Variants in PTPRM observed in about 807,000 individuals in gnomAD.
PTPRM encodes receptor-type tyrosine-protein phosphatase mu.
A neutral mutation model predicts 186.7 loss-of-function variants in PTPRM; 47 were observed. That is an observed-to-expected ratio of 0.25 (90% CI 0.20 to 0.32). The LOEUF (loss-of-function observed/expected upper bound fraction) is 0.32. Ranked by LOEUF, PTPRM falls within the 10% of genes least tolerant of loss-of-function variation. The probability of loss-of-function intolerance (pLI) is 1.00; values close to 1 mark genes in which losing one functional copy is unlikely to be tolerated. For synonymous variants in PTPRM, 668 were observed against 674.9 expected (o/e 0.99, Z 0.16); for missense variants, 1,494 against 1,865.0 (o/e 0.80, Z 3.66).
intron 14 of PTPRM, among the ~76,000 whole-genome samples, chr18:8,154,294 G>T (rs1044130048): frequency 6.6e-6 from 1 of 152,210 alleles, no homozygotes; most frequent in African/African-American, 2.4e-5. Context: ...CAAATGCTGT[G>T]AAACTTTGCA....
At chr18:7,678,390 G>T (rs2039399293) in intron 1 of PTPRM, among the ~76,000 whole-genome samples, 1 of 152,136 alleles carries the variant, frequency 6.6e-6, no homozygotes, top group African/African-American at 2.4e-5. Flanking sequence ...ACCCACTTAA[G>T]GGATTTGATT....
At chr18:7,768,771 C>T (rs1329712433) in intron 1 of PTPRM, among the ~76,000 whole-genome samples, 2 of 151,602 alleles carry the variant, frequency 1.3e-5, no homozygotes, top group Non-Finnish European at 2.9e-5. Context: ...CTCAGCCTCC[C>T]GAGTAGCTGG....
intron 7 of PTPRM, among the ~76,000 whole-genome samples, chr18:7,984,930 A>AGTATATACATATAATT (rs2082797474): frequency 1.0e-5 from 1 of 98,660 alleles, no homozygotes; most frequent in African/African-American, 4.0e-5. Flanking sequence ...TACATATATA[A>AGTATATACATATAATT]ATATATACAT....
intron 19 of PTPRM, among the ~76,000 whole-genome samples, chr18:8,289,885 C>T (rs1052192348): frequency 1.6e-4 from 25 of 151,986 alleles, no homozygotes; most frequent in African/African-American, 5.6e-4. Flanking sequence ...AAACCTAGTT[C>T]GTGTGTCTAG....
intron 1 of PTPRM, among the ~76,000 whole-genome samples, chr18:7,727,460 A>G (rs2040573277): frequency 6.6e-6 from 1 of 152,210 alleles, no homozygotes; most frequent in Admixed American, 6.5e-5. Context: ...ATATACTCAG[A>G]TAAATTTTTG....
chr18:8,161,765 C>T (rs1472289279), intron 14 of PTPRM, among the ~76,000 whole-genome samples: 1 of 152,134 alleles, frequency 6.6e-6, no homozygotes, highest in Non-Finnish European at 1.5e-5. Flanking sequence ...TCGTGCTACC[C>T]CTTTACCCAC....
chr18:7,691,733 A>G (rs2039737405), intron 1 of PTPRM, among the ~76,000 whole-genome samples: 1 of 152,156 alleles, frequency 6.6e-6, no homozygotes, highest in Non-Finnish European at 1.5e-5. Flanking sequence ...TGGGCAACAT[A>G]GTGAGACCCT....
At chr18:8,135,770 G>T (rs1041873298) in intron 13 of PTPRM, among the ~76,000 whole-genome samples, 1 of 152,156 alleles carries the variant, frequency 6.6e-6, no homozygotes, top group Non-Finnish European at 1.5e-5. Flanking sequence ...TTTTGTGTGT[G>T]TAGTTCTTAG....
At chr18:8,316,299 G>C (rs1027897943) in intron 21 of PTPRM, among the ~76,000 whole-genome samples, 11 of 152,174 alleles carry the variant, frequency 7.2e-5, no homozygotes, top group Admixed American at 5.2e-4. Context: ...TGAATATAGA[G>C]AGCCCTTAGT....
chr18:7,923,208 A>C (rs889629707), intron 4 of PTPRM, among the ~76,000 whole-genome samples: 2 of 152,236 alleles, frequency 1.3e-5, no homozygotes, highest in African/African-American at 4.8e-5. Flanking sequence ...AAATGGCTAC[A>C]TACCCAGACA....
chr18:7,739,771 C>G (rs1271914596), intron 1 of PTPRM, among the ~76,000 whole-genome samples: 1 of 152,188 alleles, frequency 6.6e-6, no homozygotes, highest in South Asian at 2.1e-4. Context: ...GCTTAGAAAA[C>G]ACTTCTGGTT....
chr18:7,710,741 A>G (rs1200910607), intron 1 of PTPRM, among the ~76,000 whole-genome samples: 1 of 152,208 alleles, frequency 6.6e-6, no homozygotes, highest in Non-Finnish European at 1.5e-5. Flanking sequence ...TGGCACTGCT[A>G]TATAGCAACA....
chr18:8,092,972 G>T (rs1383267419), intron 11 of PTPRM, among the ~76,000 whole-genome samples: 1 of 152,052 alleles, frequency 6.6e-6, no homozygotes, highest in Non-Finnish European at 1.5e-5. Flanking sequence ...ACATAGAGAG[G>T]CCCAACATAG....
chr18:8,048,627 T>TA (rs2087241638), intron 7 of PTPRM, among the ~76,000 whole-genome samples: 1 of 152,088 alleles, frequency 6.6e-6, no homozygotes, highest in African/African-American at 2.4e-5. Context: ...GAAGAATAAT[T>TA]ACAGTATAGC....
At chr18:7,839,383 T>C (rs991246585) in intron 2 of PTPRM, among the ~76,000 whole-genome samples, 8 of 152,210 alleles carry the variant, frequency 5.3e-5, no homozygotes, top group Non-Finnish European at 7.4e-5. Context: ...TTCAGAACCC[T>C]TGGACTCTCA....
intron 13 of PTPRM, among the ~76,000 whole-genome samples, chr18:8,137,851 C>T (rs1293294038): frequency 6.6e-6 from 1 of 152,064 alleles, no homozygotes; most frequent in East Asian, 1.9e-4. Flanking sequence ...CTCATCCCCT[C>T]CACTCTTCCC....
chr18:7,701,026 C>T (rs1187389533), intron 1 of PTPRM, among the ~76,000 whole-genome samples: 1 of 144,904 alleles, frequency 6.9e-6, no homozygotes, highest in Non-Finnish European at 1.5e-5. Context: ...AAAAAAAAAG[C>T]CATGTGCGGT....
In PTPRM at chr18:7,623,194, G is replaced by A. The variant is rs149730696; in HGVS notation, c.73+55303G>A. On this transcript the variant is annotated intron_variant, in intron 1 of 32. Coordinates refer to ENST00000580170, the MANE Select transcript of PTPRM (RefSeq NM_001105244.2). ...ATTTTACAATTTAGTTACTTAAAAC[G>A]ATTTTGCTTTTAGTGTAAATCTTAC... is the stretch of plus-strand genomic sequence containing the variant. 1.9e-3 allele frequency among the ~76,000 whole-genome samples: 296 copies of A among 152,112 alleles called. 1 individual carries two copies. Among genetic ancestry groups the A allele is most frequent in the African/African-American group, 6.1e-3 (253 of 41,516 alleles).
At chr18:7,653,024 T>C (rs1170079873) in intron 1 of PTPRM, among the ~76,000 whole-genome samples, 1 of 151,740 alleles carries the variant, frequency 6.6e-6, no homozygotes, top group African/African-American at 2.4e-5. Context: ...AGATACCTCA[T>C]CAAAGAAAAT....
Sources: gnomAD v4.1 joint callset for allele counts (sites outside exome capture counted in the v4.1 genomes callset) on GRCh38, gnomAD v4.1.1 for gene constraint, MANE v1.5 for transcripts, NCBI Gene and HGNC (gene_info 2026-07-23, HGNC 2026-07-21) for gene names.